FAM120B: variants seen among roughly 807,000 people sequenced by gnomAD.
The protein encoded by FAM120B is family with sequence similarity 120 member B.
A neutral mutation model predicts 96.3 loss-of-function variants in FAM120B; 83 were observed. That is an observed-to-expected ratio of 0.86 (90% CI 0.72 to 1.03). The LOEUF (loss-of-function observed/expected upper bound fraction) is 1.03. Ranked by LOEUF, FAM120B falls within the 50% of genes least tolerant of loss-of-function variation. The pLI is 0.00. For synonymous variants in FAM120B, 407 were observed against 402.7 expected (o/e 1.01, Z -0.13); for missense variants, 1,027 against 1,121.2 (o/e 0.92, Z 1.20).
At chr6:170,362,605 C>T (rs1361200963) in intron 6 of FAM120B, among the ~76,000 whole-genome samples, 1 of 152,002 alleles carries the variant, frequency 6.6e-6, no homozygotes, top group Non-Finnish European at 1.5e-5. Context: ...TGTGTGCACT[C>T]ACATGGTGTG....
intron 6 of FAM120B, among the ~76,000 whole-genome samples, chr6:170,384,663 C>T (rs779561687): frequency 2.0e-5 from 3 of 152,200 alleles, no homozygotes; most frequent in Non-Finnish European, 2.9e-5. Context: ...AACTGAAAAA[C>T]GAAGCAGACA....
At chr6:170,298,142 CTCTT>C (rs990299654) in intron 1 of FAM120B, 5 of 152,182 alleles carry the variant, frequency 3.3e-5, no homozygotes, top group African/African-American at 4.8e-5. Context: ...ACAAACCAAG[CTCTT>C]TCTTTCCTTT....
At chr6:170,353,141 C>CT (rs1787685153) in intron 5 of FAM120B, among the ~76,000 whole-genome samples, 1 of 152,124 alleles carries the variant, frequency 6.6e-6, no homozygotes, top group Non-Finnish European at 1.5e-5. Flanking sequence ...TGATAAATTC[C>CT]TGCACACATA....
At chr6:170,361,256 G>GTATATATATATACA (rs1491550544) in intron 6 of FAM120B, among the ~76,000 whole-genome samples, 2 of 89,140 alleles carry the variant, frequency 2.2e-5, no homozygotes, top group African/African-American at 9.3e-5. Flanking sequence ...ATATATATAC[G>GTATATATATATACA]TGTATATATA....
intron 1 of FAM120B, among the ~76,000 whole-genome samples, chr6:170,316,967 T>C (rs552818058): frequency 8.5e-5 from 13 of 152,358 alleles, no homozygotes; most frequent in African/African-American, 2.9e-4. Flanking sequence ...AAAAATTATA[T>C]TGAGAATCAT....
intron 8 of FAM120B, among the ~76,000 whole-genome samples, chr6:170,391,938 C>G (rs895657463): frequency 6.6e-6 from 1 of 152,192 alleles, no homozygotes; most frequent in African/African-American, 2.4e-5. Flanking sequence ...TAACACCGTT[C>G]TTCTTAAACA....
rs780956869 is a variant in FAM120B at position 170,318,836 on chromosome 6, G to A, written c.1446G>A (p.Arg482=). 1.9e-6 allele frequency: 3 copies of A among 1,614,122 alleles called. No individual in the cohort carries two copies. Among genetic ancestry groups the A allele is most frequent in the Admixed American group, 1.7e-5 (1 of 60,010 alleles). The change falls in exon 2 of 11, where the codon AGG becomes AGA. Residue 482 remains arginine, a synonymous_variant. Coordinates refer to ENST00000476287, the MANE Select transcript of FAM120B (RefSeq NM_032448.3). ...CCATGTATACAGGCCCTGAATCCAG[G>A]CAAGAAGTTTTAATACGGACAGACC... ...EVPMYTGPES[R]QEVLIRTDPE...
In FAM120B at chr6:170,318,140, C is replaced by T. The variant is rs917323936; in HGVS notation, c.750C>T (p.Tyr250=). ...TTAGGTACAAATGCTTATCGTCCTA[C>T]ACCTCTGTAAAAGAGAACTTTGACA... ...ESFRYKCLSS[Y]TSVKENFDKK... The change falls in exon 2 of 11, where the codon TAC becomes TAT. Residue 250 remains tyrosine (Y), a synonymous_variant. Transcript: ENST00000476287. 1.4e-5 allele frequency: 23 copies of T among 1,614,222 alleles called. No homozygotes were observed. The highest frequency in any genetic ancestry group is 1.9e-5 in the Non-Finnish European group (23 of 1,180,042).
At chr6:170,290,721 T>C (rs1783843790), upstream of FAM120B, 1 of 342,564 alleles carries the variant, frequency 2.9e-6, no homozygotes, top group African/African-American at 2.2e-5. The surrounding 1 kb of genome is among the most constrained non-coding windows in gnomAD (Gnocchi z 4.7). Flanking sequence ...GCGGCGGCGG[T>C]CGTTCCGGGA....
Position 170,330,549 on chromosome 6 carries a change from A to G in FAM120B, c.2016A>G (p.Pro672=). Residue 672 remains proline, a splice_region_variant and synonymous_variant, in exon 4 of 11, where the codon CCA becomes CCG. Coordinates refer to ENST00000476287, the MANE Select transcript of FAM120B (RefSeq NM_032448.3). ...TCAGGCCGCTGCAGATGACCATTCC[A>G]GGTACAGGCAGCCTTTCTTTAAATG... ...DLVRPLQMTI[P]GGTPSLKILW... is the part of the protein sequence containing the mutation. 6.2e-7 allele frequency: 1 copy of G among 1,610,748 alleles called. No homozygotes were observed. The highest frequency in any genetic ancestry group is 8.5e-7 in the Non-Finnish European group (1 of 1,177,018).
intron 9 of FAM120B, among the ~76,000 whole-genome samples, chr6:170,399,318 G>A (rs1294564895): frequency 1.3e-5 from 2 of 148,938 alleles, no homozygotes; most frequent in East Asian, 4.2e-4. Context: ...TAACTCTTAG[G>A]AGTGAGTGAG....
chr6:170,348,191 G>A lies in FAM120B; in HGVS notation c.2058G>A (p.Glu686=), dbSNP rs1477824554. Residue 686 remains glutamate (E), a synonymous_variant, in exon 5 of 11, where the codon GAG becomes GAA. Coordinates refer to ENST00000476287, the MANE Select transcript of FAM120B (RefSeq NM_032448.3). ...PSLKILWLNQ[E]PEIQVRRLDT... is the part of the protein sequence containing the mutation. ...TGAAAATATTATGGCTGAACCAAGAGCCAGAAATACAGGTTCGGCGCTTGG... is the reference window on the plus strand; with the variant it reads ...TGAAAATATTATGGCTGAACCAAGAACCAGAAATACAGGTTCGGCGCTTGG... The A allele has an allele frequency of 6.2e-7, 1 of 1,614,070 alleles. No homozygotes were observed.
At chr6:170,322,833 T>G (rs939506801) in intron 2 of FAM120B, among the ~76,000 whole-genome samples, 1 of 151,698 alleles carries the variant, frequency 6.6e-6, no homozygotes, top group African/African-American at 2.4e-5. Flanking sequence ...GACAGAACAG[T>G]GAGATACTGC....
intron 1 of FAM120B, among the ~76,000 whole-genome samples, chr6:170,315,292 T>C (rs1445493072): frequency 6.6e-6 from 1 of 152,236 alleles, no homozygotes; most frequent in Non-Finnish European, 1.5e-5. Flanking sequence ...AGCAGTCGTC[T>C]AGAGCTGGTG....
At chr6:170,292,315 C>T (rs564929283), upstream of FAM120B, among the ~76,000 whole-genome samples, 46 of 152,280 alleles carry the variant, frequency 3.0e-4, no homozygotes, top group African/African-American at 1.1e-3. The surrounding 1 kb of genome is among the most constrained non-coding windows in gnomAD (Gnocchi z 6.6). Flanking sequence ...CTAAATTGCC[C>T]TCCTAGGCAC....
chr6:170,396,744 C>T (rs1026371424), intron 9 of FAM120B, among the ~76,000 whole-genome samples: 2 of 152,212 alleles, frequency 1.3e-5, no homozygotes, highest in African/African-American at 2.4e-5. Flanking sequence ...TGCAGGGCAA[C>T]TGAGATCTGG....
chr6:170,399,791 T>G, intron 9 of FAM120B, among the ~76,000 whole-genome samples: 7 of 144,734 alleles, frequency 4.8e-5, no homozygotes, highest in Admixed American at 2.0e-4. Context: ...TAGGAGTGAG[T>G]GAGGAAGGTA....
chr6:170,369,684 G>A (rs1789049859), intron 6 of FAM120B, among the ~76,000 whole-genome samples: 1 of 151,148 alleles, frequency 6.6e-6, no homozygotes, highest in South Asian at 2.1e-4. Context: ...AGCAAACTTA[G>A]GGTAGTTTTT....
At position 170,363,263 on chromosome 6, in the gene FAM120B, C is replaced by G. The variant is rs1457737371; in HGVS notation, c.2283+4945C>G. On this transcript the variant is annotated intron_variant, in intron 6 of 10. Transcript: ENST00000476287. The surrounding 1 kb of genome is among the most constrained non-coding windows in gnomAD (Gnocchi z 4.5). ...CCTCATAGCTAATCATTGGGAAGTT[C>G]TTGGTCATTTTTTGGTTGGAAAATT... 1.3e-5 allele frequency among the ~76,000 whole-genome samples: 2 copies of G among 152,160 alleles called. No homozygotes were observed. Among genetic ancestry groups the G allele is most frequent in the South Asian group, 2.1e-4 (1 of 4,826 alleles).
Sources: allele counts gnomAD v4.1 joint callset (sites outside exome capture counted in the v4.1 genomes callset), GRCh38; gene constraint gnomAD v4.1.1; non-coding constraint Gnocchi (gnomAD v3.1); transcripts MANE v1.5; gene names NCBI Gene and HGNC (gene_info 2026-07-23, HGNC 2026-07-21).